SORCS2: variants seen among roughly 807,000 people sequenced by gnomAD.
SORCS2 encodes sortilin related VPS10 domain containing receptor 2.
In SORCS2, 100 loss-of-function variants were observed where a neutral mutation model predicts 141.6. The ratio of observed to expected loss-of-function variants is 0.71; its 90% CI spans 0.60 to 0.83. The LOEUF is 0.83. Ranked by LOEUF, SORCS2 falls within the 40% of genes least tolerant of loss-of-function variation. SORCS2 has a pLI of 0.00. For missense variants in SORCS2, 1,646 were observed against 1,560.2 expected (o/e 1.05, Z -0.93); for synonymous variants, 789 against 676.9 (o/e 1.17, Z -2.57).
intron 1 of SORCS2, among the ~76,000 whole-genome samples, chr4:7,319,365 G>A (rs1718757690): frequency 6.6e-6 from 1 of 152,124 alleles, no homozygotes; most frequent in Admixed American, 6.6e-5. Flanking sequence ...GAACAAATTG[G>A]ACCCTCCGAC....
At chr4:7,699,435 C>G (rs1348569763) in intron 12 of SORCS2, among the ~76,000 whole-genome samples, 1 of 152,136 alleles carries the variant, frequency 6.6e-6, no homozygotes, top group Non-Finnish European at 1.5e-5. Context: ...CTGGGGCAGG[C>G]GTCCAGGTGT....
At position 7,591,994 on chromosome 4, in the gene SORCS2, G is replaced by GA. The variant is rs369253447; in HGVS notation, c.649-46324dup. Among the ~76,000 whole-genome samples the GA allele has an allele frequency of 3.0e-3, 456 of 150,498 alleles. 4 individuals carry two copies. The highest frequency in any genetic ancestry group is 3.3e-3 in the Non-Finnish European group (221 of 67,510). ...GAAAATCCCAGCAGGTTGCAGATGA[G>GA]AAAAAAAAAATCCCCCTTTAAATTG... On this transcript the variant is annotated intron_variant, in intron 3 of 26. Coordinates refer to ENST00000507866, the MANE Select transcript of SORCS2 (RefSeq NM_020777.3).
intron 3 of SORCS2, among the ~76,000 whole-genome samples, chr4:7,632,040 C>T (rs977098155): frequency 6.6e-6 from 1 of 152,182 alleles, no homozygotes; most frequent in African/African-American, 2.4e-5. Flanking sequence ...CCACTTGGCA[C>T]ACAGGCTCCC....
intron 1 of SORCS2, among the ~76,000 whole-genome samples, chr4:7,271,514 C>T (rs1715128733): frequency 6.6e-6 from 1 of 152,228 alleles, no homozygotes; most frequent in Non-Finnish European, 1.5e-5. Flanking sequence ...GGAAGGCCTC[C>T]CCAGCTACTC....
At chr4:7,270,081 G>C (rs1715013837) in intron 1 of SORCS2, among the ~76,000 whole-genome samples, 1 of 152,198 alleles carries the variant, frequency 6.6e-6, no homozygotes, top group South Asian at 2.1e-4. Flanking sequence ...GGGTTTTACT[G>C]TGTTGGCCAG....
At chr4:7,639,720 T>A (rs1720521380) in intron 4 of SORCS2, among the ~76,000 whole-genome samples, 1 of 151,106 alleles carries the variant, frequency 6.6e-6, no homozygotes, top group Non-Finnish European at 1.5e-5. Flanking sequence ...TGTTCACCTG[T>A]GAGTGGGTGT....
chr4:7,257,791 G>A (rs1210998181), intron 1 of SORCS2, among the ~76,000 whole-genome samples: 1 of 152,216 alleles, frequency 6.6e-6, no homozygotes, highest in Non-Finnish European at 1.5e-5. Flanking sequence ...TGCCCTGGAG[G>A]TGAGTCCACA....
At chr4:7,468,604 G>A (rs1371198502) in intron 2 of SORCS2, among the ~76,000 whole-genome samples, 5 of 152,096 alleles carry the variant, frequency 3.3e-5, no homozygotes, top group South Asian at 2.1e-4. Context: ...ATGAATAAGC[G>A]TTCTTGTGCT....
intron 2 of SORCS2, among the ~76,000 whole-genome samples, chr4:7,401,069 GGATGAATGGATGGATACATGGATA>G (rs1165179674): frequency 2.0e-5 from 3 of 151,918 alleles, no homozygotes; most frequent in African/African-American, 7.2e-5. Flanking sequence ...ATTGATGGAT[GGATGAATGGATGGATACATGGATA>G]GATGAATGGA....
intron 3 of SORCS2, among the ~76,000 whole-genome samples, chr4:7,611,835 C>T (rs942981650): frequency 6.6e-6 from 1 of 152,256 alleles, no homozygotes; most frequent in South Asian, 2.1e-4. Flanking sequence ...TGCACTGGTG[C>T]TGTTAGGACA....
intron 3 of SORCS2, among the ~76,000 whole-genome samples, chr4:7,621,271 C>T (rs765175112): frequency 6.6e-6 from 1 of 152,204 alleles, no homozygotes; most frequent in Non-Finnish European, 1.5e-5. Flanking sequence ...CACTCCCTCC[C>T]GGCATCTCAC....
chr4:7,244,375 G>A (rs1483801710), intron 1 of SORCS2, among the ~76,000 whole-genome samples: 2 of 152,220 alleles, frequency 1.3e-5, no homozygotes, highest in South Asian at 2.1e-4. Context: ...CCTATTCCCC[G>A]CAGATGCCAG....
At chr4:7,541,687 A>C (rs780918671) in intron 3 of SORCS2, among the ~76,000 whole-genome samples, 1 of 152,160 alleles carries the variant, frequency 6.6e-6, no homozygotes, top group Non-Finnish European at 1.5e-5. Context: ...ACCACCTTTT[A>C]AGCATCATGT....
At chr4:7,331,840 C>T (rs1413339545) in intron 1 of SORCS2, among the ~76,000 whole-genome samples, 2 of 152,082 alleles carry the variant, frequency 1.3e-5, no homozygotes, top group African/African-American at 2.4e-5. Context: ...TGGCAGGCGC[C>T]CCAAGTGACA....
chr4:7,642,522 A>G (rs1262650761), intron 4 of SORCS2, among the ~76,000 whole-genome samples: 2 of 152,218 alleles, frequency 1.3e-5, no homozygotes, highest in Admixed American at 6.5e-5. Context: ...AACAATGACA[A>G]GAGGGCTTTA....
intron 5 of SORCS2, among the ~76,000 whole-genome samples, chr4:7,658,722 G>A (rs1259150486): frequency 6.6e-6 from 1 of 152,170 alleles, no homozygotes; most frequent in Non-Finnish European, 1.5e-5. Context: ...TGTCCACCTG[G>A]GGCCACTTGG....
chr4:7,398,997 T>A (rs1724398538), intron 2 of SORCS2, among the ~76,000 whole-genome samples: 1 of 152,232 alleles, frequency 6.6e-6, no homozygotes, highest in Non-Finnish European at 1.5e-5. Flanking sequence ...CTTTTCTAAC[T>A]CCTGCTCATT....
chr4:7,505,401 GCA>G (rs770140930), intron 2 of SORCS2, among the ~76,000 whole-genome samples: 8 of 152,054 alleles, frequency 5.3e-5, no homozygotes, highest in Non-Finnish European at 1.0e-4. Flanking sequence ...AGCTCCGTGT[GCA>G]CAGAGACACC....
At chr4:7,585,434 G>A (rs1381944260) in intron 3 of SORCS2, among the ~76,000 whole-genome samples, 1 of 152,188 alleles carries the variant, frequency 6.6e-6, no homozygotes, top group Non-Finnish European at 1.5e-5. Context: ...CCCTCAGGAG[G>A]TGACCTGGTC....
Sources: allele counts gnomAD v4.1 joint callset (sites outside exome capture counted in the v4.1 genomes callset), GRCh38; gene constraint gnomAD v4.1.1; transcripts MANE v1.5; gene names NCBI Gene and HGNC (gene_info 2026-07-23, HGNC 2026-07-21).